Variants in CENPC observed in about 807,000 individuals in gnomAD.
The protein encoded by CENPC is centromere protein C, also known as CENP-C 1.
In CENPC, 63 loss-of-function variants were observed where a neutral mutation model predicts 112.1. The ratio of observed to expected loss-of-function variants is 0.56; its 90% CI spans 0.46 to 0.69. The LOEUF (loss-of-function observed/expected upper bound fraction) is 0.69. Ranked by LOEUF, CENPC falls within the 30% of genes least tolerant of loss-of-function variation. CENPC has a pLI of 0.00. For synonymous variants in CENPC, 333 were observed against 367.6 expected, an observed-to-expected ratio of 0.91 and a Z score of 1.08; for missense variants, 1,000 against 1,103.8, an observed-to-expected ratio of 0.91 and a Z score of 1.33.
chr4:67,516,391 T>C (rs1437837817), intron 7 of CENPC, among the ~76,000 whole-genome samples: 12 of 151,980 alleles, frequency 7.9e-5, no homozygotes, highest in Admixed American at 7.9e-4. Context: ...TTTCCACTTT[T>C]TCACTAGGAT....
Position 67,474,886 on chromosome 4 carries a change from A to C in CENPC, c.2761+2T>G. ...TTGTCTAAGTGAAATAAATTGTCTT[A>C]CCTGAAGGAACATAGAACGAATCCC... is the stretch of plus-strand genomic sequence containing the variant. On this transcript the variant is annotated splice_donor_variant, in intron 18 of 18. Transcript: ENST00000273853. LOFTEE classifies it high-confidence loss of function. 6.5e-7 allele frequency: 1 copy of C among 1,531,296 alleles called. No homozygotes were observed. The highest frequency in any genetic ancestry group is 8.9e-7 in the Non-Finnish European group (1 of 1,117,882). The allele number at this position is 1,531,296 out of a possible 1,614,324, so 94.9% of individuals were successfully genotyped here.
rs1016250796 is a variant in CENPC, at chr4:67,471,320, T to C, written c.*1285A>G. 7 of 151,956 alleles carry C rather than the reference T, an allele frequency of 4.6e-5. No individual in the cohort carries two copies. The allele number at this position is 151,956 out of a possible 1,614,324, so 9.4% of individuals were successfully genotyped here. On this transcript the variant is annotated 3_prime_UTR_variant, in exon 19 of 19. Coordinates refer to ENST00000273853, the MANE Select transcript of CENPC (RefSeq NM_001812.4). Reference sequence around the variant, plus strand: ...AATGCTAAATTTAAAACAATACAAATCCCTTAGATATAAAACAAAATTGAG... The same window carrying C: ...AATGCTAAATTTAAAACAATACAAACCCCTTAGATATAAAACAAAATTGAG...
intron 5 of CENPC, among the ~76,000 whole-genome samples, chr4:67,523,017 A>G (rs1276489801): frequency 6.6e-6 from 1 of 152,012 alleles, no homozygotes; most frequent in African/African-American, 2.4e-5. Context: ...AAAAAAATTA[A>G]AAGGAATGAA....
At chr4:67,507,262 A>ACC (rs34977522) in intron 10 of CENPC, among the ~76,000 whole-genome samples, 32,874 of 151,984 alleles carry the variant, frequency 0.22, 3,570 homozygotes, top group South Asian at 0.27. Flanking sequence ...GAGAATCCAT[A>ACC]AACAACTAAA....
In CENPC at chr4:67,508,907, A is replaced by G. The variant is rs772946761; in HGVS notation, c.1811T>C (p.Val604Ala). 7 of 1,613,670 alleles carry G rather than the reference A, an allele frequency of 4.3e-6. No homozygotes were observed. In the South Asian group the frequency reaches 6.6e-5, roughly 15 times the overall value. Residue 604 changes from valine to alanine, a missense_variant, in exon 10 of 19, where the codon GTT (valine) becomes GCT (alanine). Physicochemically the swap from Val to Ala is moderately conservative, Grantham distance 64. Transcript: ENST00000273853. ...ACATCTGGAAATTTCATCATGACCA[A>G]CGATACCTCCAGAACCTTCAGCATT... Reference protein sequence around the residue: ...FLNAEGSGGIVGHDEISRCSL... With the variant: ...FLNAEGSGGIAGHDEISRCSL...
chr4:67,517,004 T>C (rs1247009141), intron 7 of CENPC, among the ~76,000 whole-genome samples: 1 of 152,020 alleles, frequency 6.6e-6, no homozygotes, highest in African/African-American at 2.4e-5. Context: ...TCAGACATTA[T>C]ATAATTAGCC....
intron 4 of CENPC, among the ~76,000 whole-genome samples, chr4:67,535,399 A>T (rs1009149333): frequency 3.3e-5 from 5 of 151,960 alleles, no homozygotes; most frequent in Non-Finnish European, 7.4e-5. Context: ...CAGAGAGAGT[A>T]CATGACAAAA....
intron 17 of CENPC, among the ~76,000 whole-genome samples, chr4:67,481,570 G>A (rs1724958446): frequency 5.9e-5 from 9 of 152,102 alleles, no homozygotes. Flanking sequence ...ATAGACCATG[G>A]AACTGAATAG....
chr4:67,472,927 C>G (rs1319026895), intron 18 of CENPC, among the ~76,000 whole-genome samples: 3 of 152,056 alleles, frequency 2.0e-5, no homozygotes, highest in Non-Finnish European at 2.9e-5. Context: ...ATGAATCAGT[C>G]GAGAGTGTAA....
chr4:67,494,082 T>C (rs1725361948), intron 13 of CENPC, 94 bp from the exon 14 acceptor site: 2 of 566,088 alleles, frequency 3.5e-6, no homozygotes, highest in Non-Finnish European at 5.6e-6. Flanking sequence ...GAAAGCTTTA[T>C]TTTTTAGAAC....
chr4:67,518,042 ATT>A, intron 7 of CENPC, 112 bp downstream of exon 7: 1 of 602,520 alleles, frequency 1.7e-6, no homozygotes, highest in Non-Finnish European at 2.6e-6. Flanking sequence ...TTCAATTAAA[ATT>A]TTTGTTAATT....
chr4:67,501,244 G>A (rs1408941523), intron 12 of CENPC, among the ~76,000 whole-genome samples: 3 of 152,128 alleles, frequency 2.0e-5, no homozygotes, highest in Non-Finnish European at 4.4e-5. Context: ...GGAGGTGGAG[G>A]TTACAATGAG....
chr4:67,512,716 T>C (rs926377913), intron 8 of CENPC, 147 bp from the exon 9 acceptor site: 6 of 579,898 alleles, frequency 1.0e-5, no homozygotes, highest in African/African-American at 5.8e-5. Context: ...AGTCACATGT[T>C]CTCTTTCTGT....
rs1183536294 is a variant in CENPC at position 67,493,106 on chromosome 4, T to C, written c.2291-109A>G. Reference sequence around the variant, plus strand: ...TCCTTTCAAAGTACCAAAGAATATATGTCTGCAGCTAATAGTTAAAATAAC... The same window carrying C: ...TCCTTTCAAAGTACCAAAGAATATACGTCTGCAGCTAATAGTTAAAATAAC... On this transcript the variant is annotated intron_variant, in intron 14 of 18. Coordinates refer to ENST00000273853, the MANE Select transcript of CENPC (RefSeq NM_001812.4). 6 of 833,750 alleles carry C rather than the reference T, an allele frequency of 7.2e-6. No homozygotes were observed. In the Admixed American group the frequency reaches 1.7e-4, roughly 24 times the overall value. The allele number at this position is 833,750 out of a possible 1,614,324, so 51.6% of individuals were successfully genotyped here. A position where few individuals can be genotyped will look rare whatever the true frequency, so the allele number is the denominator to read the frequency against.
At chr4:67,510,394 C>G (rs1323108416) in intron 9 of CENPC, among the ~76,000 whole-genome samples, 2 of 152,158 alleles carry the variant, frequency 1.3e-5, no homozygotes, top group African/African-American at 2.4e-5. Context: ...ATCACACATA[C>G]GACTGTTTAC....
At chr4:67,544,565 G>T (rs1227592095) in intron 1 of CENPC, among the ~76,000 whole-genome samples, 1 of 152,196 alleles carries the variant, frequency 6.6e-6, no homozygotes, top group Non-Finnish European at 1.5e-5. Context: ...CATCGAAGCT[G>T]AAGATTTTCT....
intron 9 of CENPC, 90 bp from the exon 10 acceptor site, chr4:67,509,195 AAC>A: frequency 1.5e-6 from 1 of 666,016 alleles, no homozygotes; most frequent in Non-Finnish European, 2.5e-6. Context: ...TTTGCATATA[AAC>A]ATATACACAT....
chr4:67,540,888 A>G, intron 3 of CENPC, 92 bp downstream of exon 3: 1 of 896,554 alleles, frequency 1.1e-6, no homozygotes, highest in Non-Finnish European at 1.8e-6. Context: ...TAAACCCTAG[A>G]ACATATTTGC....
At chr4:67,502,564 C>A (rs999716155) in intron 12 of CENPC, among the ~76,000 whole-genome samples, 1 of 152,132 alleles carries the variant, frequency 6.6e-6, no homozygotes, top group African/African-American at 2.4e-5. Flanking sequence ...CTGAAATGTA[C>A]ATAACAAAGA....
Sources: gnomAD v4.1 joint callset for allele counts (sites outside exome capture counted in the v4.1 genomes callset) on GRCh38, gnomAD v4.1.1 for gene constraint, MANE v1.5 for transcripts, NCBI Gene and HGNC (gene_info 2026-07-23, HGNC 2026-07-21) for gene names.